Variants in NINL observed in about 807,000 individuals in gnomAD.
NINL encodes ninein like.
A neutral mutation model predicts 160.3 loss-of-function variants in NINL; 153 were observed. That is an observed-to-expected ratio of 0.95 (90% confidence interval 0.84 to 1.09). The LOEUF (loss-of-function observed/expected upper bound fraction) is 1.09. Among genes scored for constraint, NINL ranks in the 50% least tolerant of loss-of-function variants. NINL has a pLI of 0.00. For missense variants in NINL, 1,829 were observed against 1,764.0 expected, an observed-to-expected ratio of 1.04 and a Z score of -0.66; for synonymous variants, 800 against 734.8, an observed-to-expected ratio of 1.09 and a Z score of -1.43.
intron 2 of NINL, among the ~76,000 whole-genome samples, chr20:25,523,252 G>T (rs1157089723): frequency 6.6e-6 from 1 of 151,070 alleles, no homozygotes; most frequent in African/African-American, 2.5e-5. Flanking sequence ...ATATATGAGA[G>T]AATATATATA....
intron 3 of NINL, among the ~76,000 whole-genome samples, chr20:25,515,702 C>T (rs1206186160): frequency 6.6e-6 from 1 of 152,146 alleles, no homozygotes; most frequent in Non-Finnish European, 1.5e-5. Context: ...AGAACTTCCC[C>T]CTTGCTGTTT....
At chr20:25,581,967 C>T (rs765230130) in intron 1 of NINL, among the ~76,000 whole-genome samples, 2 of 152,166 alleles carry the variant, frequency 1.3e-5, no homozygotes, top group Admixed American at 6.5e-5. Context: ...TTAAATTTTG[C>T]TCAAGTCCGG....
At chr20:25,540,792 C>T (rs2064650518) in intron 1 of NINL, among the ~76,000 whole-genome samples, 1 of 152,228 alleles carries the variant, frequency 6.6e-6, no homozygotes, top group Admixed American at 6.5e-5. Flanking sequence ...AACCTTCACA[C>T]TCCGGCAGTT....
chr20:25,483,692 GC>G (rs1332930506), intron 13 of NINL, among the ~76,000 whole-genome samples: 1 of 152,266 alleles, frequency 6.6e-6, no homozygotes. Flanking sequence ...TGCATTTGTG[GC>G]CAGCTTAATT....
At chr20:25,544,622 G>A (rs1017451630) in intron 1 of NINL, among the ~76,000 whole-genome samples, 2 of 152,172 alleles carry the variant, frequency 1.3e-5, no homozygotes, top group African/African-American at 4.8e-5. Flanking sequence ...TGAGAAGTCT[G>A]GCTGTTCTGA....
chr20:25,458,843 G>T (rs1245421320), intron 21 of NINL: 1 of 344,834 alleles, frequency 2.9e-6, no homozygotes, highest in Non-Finnish European at 5.3e-6. Flanking sequence ...CCTTGCTGGG[G>T]CCTGATTCTT....
intron 15 of NINL, 89 bp from the exon 16 acceptor site, chr20:25,479,295 C>T: frequency 6.7e-7 from 1 of 1,495,544 alleles, no homozygotes; most frequent in Non-Finnish European, 9.0e-7. Context: ...AGCTGCCTGG[C>T]ACAACGTGCA....
rs935163357 is a variant in NINL, at chr20:25,505,040, G to T, written c.556C>A (p.Pro186Thr). The change falls in exon 6 of 24, where the codon CCC (proline) becomes ACC (threonine). Residue 186 changes from proline (P) to threonine (T), a missense_variant. By Grantham distance (38) the Pro-to-Thr change is conservative. Transcript: ENST00000278886. ...QTWDSEDFGS[P>T]QKSCSPSFDT... is the part of the protein sequence containing the mutation. ...AAGGAGGGGCTGCAGGACTTCTGGG[G>T]GCTCCCAAAGTCCTCAGAATCCCAG... 3 of 1,608,290 alleles carry T rather than the reference G, an allele frequency of 1.9e-6. No homozygotes were observed. Among genetic ancestry groups the T allele is most frequent in the Non-Finnish European group, 2.5e-6 (3 of 1,176,776 alleles).
At chr20:25,526,658 C>T in intron 1 of NINL, 60 bp from the exon 2 acceptor site, 1 of 1,521,122 alleles carries the variant, frequency 6.6e-7, no homozygotes, top group Non-Finnish European at 9.0e-7. Context: ...CCCTCCCATT[C>T]CCACACTGCC....
rs115033544 is a variant in NINL at position 25,470,446 on chromosome 20, G to A, written c.3249-351C>T. Among the ~76,000 whole-genome samples, 206 of 152,352 alleles carry A rather than the reference G, an allele frequency of 1.4e-3. 1 individual carries two copies. The highest frequency in any genetic ancestry group is 4.8e-3 in the African/African-American group (200 of 41,582). On this transcript the variant is annotated intron_variant, in intron 17 of 23. Coordinates refer to ENST00000278886, the MANE Select transcript of NINL (RefSeq NM_025176.6). ...TGTCCTGGTTGCCAGTGCTGGGCGTGAGTCCTCAGGTACTGCAGGGTACTC... is the reference window on the plus strand; with the variant it reads ...TGTCCTGGTTGCCAGTGCTGGGCGTAAGTCCTCAGGTACTGCAGGGTACTC...
chr20:25,495,752 C>T (rs114530850), intron 10 of NINL, among the ~76,000 whole-genome samples: 1,882 of 152,338 alleles, frequency 0.012, 34 homozygotes, highest in African/African-American at 0.04. Flanking sequence ...CGTAGAGAAG[C>T]CCCTCTCCCT....
intron 1 of NINL, among the ~76,000 whole-genome samples, chr20:25,553,556 A>AT (rs2064829949): frequency 6.6e-6 from 1 of 152,252 alleles, no homozygotes. Flanking sequence ...TGTAACACAG[A>AT]TGCATATTAG....
chr20:25,558,173 G>C (rs1455033976), intron 1 of NINL, among the ~76,000 whole-genome samples: 3 of 152,084 alleles, frequency 2.0e-5, no homozygotes, highest in East Asian at 3.9e-4. Context: ...TAAACATGCT[G>C]AGTAGAATAG....
intron 1 of NINL, among the ~76,000 whole-genome samples, chr20:25,554,636 C>CAAAAAAAAAA (rs747557892): frequency 1.4e-4 from 12 of 85,796 alleles, no homozygotes; most frequent in Non-Finnish European, 1.7e-4. Flanking sequence ...AAAAAAAAAA[C>CAAAAAAAAAA]AAAAAAAAAA....
At chr20:25,582,406 G>T (rs1440637889) in intron 1 of NINL, among the ~76,000 whole-genome samples, 2 of 152,134 alleles carry the variant, frequency 1.3e-5, no homozygotes, top group African/African-American at 4.8e-5. Flanking sequence ...ATTTTGGGAG[G>T]CTGAGGCAGG....
intron 22 of NINL, among the ~76,000 whole-genome samples, chr20:25,456,831 C>T (rs754331521): frequency 2.0e-5 from 3 of 151,834 alleles, no homozygotes; most frequent in African/African-American, 7.3e-5. Flanking sequence ...ACTCAGGAGG[C>T]TGAGGCAGGA....
chr20:25,475,778 T>TGAACCCGGAAGGTGGGTTCAG (rs1376406234), intron 17 of NINL, among the ~76,000 whole-genome samples: 1 of 152,232 alleles, frequency 6.6e-6, no homozygotes, highest in Admixed American at 6.5e-5. Flanking sequence ...AAGAATATCT[T>TGAACCCGGAAGGTGGGTTCAG]GAACCCGGAA....
chr20:25,474,513 G>A (rs1172680452), intron 17 of NINL, among the ~76,000 whole-genome samples: 2 of 152,140 alleles, frequency 1.3e-5, no homozygotes, highest in Non-Finnish European at 2.9e-5. Flanking sequence ...CTAGATGTGC[G>A]TTCCTAAGAA....
At chr20:25,457,567 A>C (rs2090719540) in intron 22 of NINL, among the ~76,000 whole-genome samples, 2 of 150,204 alleles carry the variant, frequency 1.3e-5, no homozygotes, top group African/African-American at 4.9e-5. Flanking sequence ...CCTTTGTGTG[A>C]TGTTACAAGG....
Sources: allele counts gnomAD v4.1 joint callset (sites outside exome capture counted in the v4.1 genomes callset), GRCh38; gene constraint gnomAD v4.1.1; transcripts MANE v1.5; gene names NCBI Gene and HGNC (gene_info 2026-07-23, HGNC 2026-07-21).